The following C2orf49 variants were observed in gnomAD, a reference collection of about 807,000 sequenced individuals.
The protein encoded by C2orf49 is tRNA-splicing ligase complex subunit ASW.
Under a neutral mutation model 20.6 loss-of-function variants are expected in C2orf49, and 11 were observed. The observed-to-expected ratio is 0.53, with a 90% CI of 0.34 to 0.88. The LOEUF is 0.88. C2orf49 is among the 40% of genes least tolerant of loss of function. The pLI is 0.02. For missense variants in C2orf49, 289 were observed against 274.2 expected (o/e 1.05, Z -0.38); for synonymous variants, 134 against 108.5 (o/e 1.24, Z -1.46).
the C2orf49 span, among the ~76,000 whole-genome samples, chr2:105,383,502 T>A: frequency 6.6e-5 from 10 of 152,318 alleles, no homozygotes; most frequent in South Asian, 1.9e-3. Flanking sequence ...GGCTCTGAAG[T>A]CTTGCCTGTC....
At chr2:105,370,387 A>T in the C2orf49 span, among the ~76,000 whole-genome samples, 2 of 151,896 alleles carry the variant, frequency 1.3e-5, no homozygotes, top group African/African-American at 2.4e-5. Flanking sequence ...AAAAAAAAAA[A>T]GTCAAATGAG....
chr2:105,342,002 G>A (rs967590943), intron 2 of C2orf49, among the ~76,000 whole-genome samples: 3 of 152,156 alleles, frequency 2.0e-5, no homozygotes, highest in East Asian at 3.9e-4. Context: ...GTGAAACCCC[G>A]TCTCTACTAA....
At chr2:105,379,748 G>A in the C2orf49 span, among the ~76,000 whole-genome samples, 1 of 152,094 alleles carries the variant, frequency 6.6e-6, no homozygotes, top group African/African-American at 2.4e-5. Context: ...ACCATACTCT[G>A]TCCCTGGCCT....
At chr2:105,379,162 A>G in the C2orf49 span, among the ~76,000 whole-genome samples, 1 of 152,230 alleles carries the variant, frequency 6.6e-6, no homozygotes, top group African/African-American at 2.4e-5. Context: ...ACCATTGGGA[A>G]GTAATTGAAC....
chr2:105,367,543 C>G, the C2orf49 span: 1 of 1,581,700 alleles, frequency 6.3e-7, no homozygotes, highest in Non-Finnish European at 8.6e-7. Context: ...CCAGAACGTG[C>G]AAGGGCCAAG....
the C2orf49 span, among the ~76,000 whole-genome samples, chr2:105,382,531 C>T: frequency 6.6e-6 from 1 of 152,222 alleles, no homozygotes; most frequent in Non-Finnish European, 1.5e-5. Flanking sequence ...AAAAAAGTTC[C>T]TACCTATAGG....
Position 105,346,151 on chromosome 2 carries a change from C to G in C2orf49, c.*780C>G, listed in dbSNP as rs530041834. ...ATTTATCACAGTATTTTAGTAAATA[C>G]TGCAACATTCATCCTTAAATGTTCA... On this transcript the variant is annotated 3_prime_UTR_variant, in exon 4 of 4. Coordinates refer to ENST00000258457, the MANE Select transcript of C2orf49 (RefSeq NM_024093.3). 3 of 152,254 alleles carry G rather than the reference C, an allele frequency of 2.0e-5. No individual in the cohort carries two copies. The highest frequency in any genetic ancestry group is 7.2e-5 in the African/African-American group (3 of 41,532). 9.4% of individuals were successfully genotyped at this position (152,254 alleles called of 1,614,324 possible).
intron 3 of C2orf49, among the ~76,000 whole-genome samples, chr2:105,344,560 C>T (rs1679760467): frequency 6.6e-6 from 1 of 151,492 alleles, no homozygotes; most frequent in African/African-American, 2.4e-5. Context: ...TTAACATTTC[C>T]CATTGACTTT....
In C2orf49 at chr2:105,345,539, CCCTT is replaced by C. The variant is rs1679790744; in HGVS notation, c.*173_*176del. On this transcript the variant is annotated 3_prime_UTR_variant, in exon 4 of 4. Transcript: ENST00000258457. The stretch of plus-strand genomic sequence containing the variant: ...ATTTTCCTTCCCTTCTTCCCTCCCT[CCCTT>C]CCTTTTTTAAAATTCTTGCCTGTCT... 2 of 635,456 alleles carry C rather than the reference CCCTT, an allele frequency of 3.1e-6. No homozygotes were observed. Among genetic ancestry groups the C allele is most frequent in the African/African-American group, 1.9e-5 (1 of 53,732 alleles). The allele number at this position is 635,456 out of a possible 1,614,324, so 39.4% of individuals were successfully genotyped here. A position where few individuals can be genotyped will look rare whatever the true frequency, so the allele number is the denominator to read the frequency against.
the C2orf49 span, chr2:105,361,470 A>G: frequency 1.9e-6 from 3 of 1,593,110 alleles, no homozygotes; most frequent in Non-Finnish European, 2.6e-6. Flanking sequence ...GGATGAAGAA[A>G]GTTAGAATCA....
At chr2:105,352,452 G>GGTTTTTTTTTTTTTTTTTTTGTTTTGT (rs1679960296), downstream of C2orf49, among the ~76,000 whole-genome samples, 1 of 68,054 alleles carries the variant, frequency 1.5e-5, no homozygotes, top group African/African-American at 6.9e-5. Flanking sequence ...TTTTTTTTTC[G>GGTTTTTTTTTTTTTTTTTTTGTTTTGT]TTTTTTTTTT....
the C2orf49 span, chr2:105,363,388 CAGCTGCTTCCTGCAGGCGGTGCACACGA>C: frequency 6.2e-7 from 1 of 1,614,040 alleles, no homozygotes; most frequent in Non-Finnish European, 8.5e-7. Context: ...GCTGCCCAGA[CAGCTGCTTCCTGCAGGCGGTGCACACGA>C]AGCACTCCTT....
chr2:105,341,759 A>G (rs143237324), intron 2 of C2orf49, among the ~76,000 whole-genome samples: 1 of 152,354 alleles, frequency 6.6e-6, no homozygotes, highest in East Asian at 1.9e-4. Flanking sequence ...ACAAGCTCCT[A>G]AGATACTGAC....
the C2orf49 span, among the ~76,000 whole-genome samples, chr2:105,365,082 G>A: frequency 2.0e-5 from 3 of 152,094 alleles, no homozygotes; most frequent in African/African-American, 4.8e-5. Context: ...CGGATTCCAT[G>A]CTTCCCACCC....
the C2orf49 span, among the ~76,000 whole-genome samples, chr2:105,371,771 C>A: frequency 6.6e-6 from 1 of 152,032 alleles, no homozygotes; most frequent in Non-Finnish European, 1.5e-5. Flanking sequence ...TTCCTTGGGC[C>A]CTTGTTCAGG....
chr2:105,340,573 G>A (rs1573241949), intron 2 of C2orf49, among the ~76,000 whole-genome samples: 1 of 152,118 alleles, frequency 6.6e-6, no homozygotes, highest in Non-Finnish European at 1.5e-5. Flanking sequence ...AAACTCTAAG[G>A]TCTTTGAATA....
chr2:105,365,674 C>CAAAAA, the C2orf49 span, among the ~76,000 whole-genome samples: 1 of 71,662 alleles, frequency 1.4e-5, no homozygotes, highest in Non-Finnish European at 2.8e-5. Context: ...GTCTCTACTA[C>CAAAAA]AAAAAAAAAA....
chr2:105,363,539 G>T, the C2orf49 span: 1 of 1,394,820 alleles, frequency 7.2e-7, no homozygotes, highest in Non-Finnish European at 9.8e-7. Flanking sequence ...CTCAGCTACT[G>T]CCACTGGACG....
the C2orf49 span, among the ~76,000 whole-genome samples, chr2:105,366,107 G>A: frequency 6.6e-6 from 1 of 152,062 alleles, no homozygotes; most frequent in African/African-American, 2.4e-5. Context: ...TACTTGGGAG[G>A]CTGAGGCAGG....
Sources: gnomAD v4.1 joint callset for allele counts (sites outside exome capture counted in the v4.1 genomes callset) on GRCh38, gnomAD v4.1.1 for gene constraint, MANE v1.5 for transcripts, NCBI Gene and HGNC (gene_info 2026-07-23, HGNC 2026-07-21) for gene names.